The following RNF13 variants were observed in gnomAD, a reference collection of about 807,000 sequenced individuals.
RNF13 encodes the protein ring finger protein 13, also known as E3 ubiquitin-protein ligase RNF13.
Under a neutral mutation model 37.7 loss-of-function variants are expected in RNF13, and 19 were observed. That is an observed-to-expected ratio of 0.50 (90% CI 0.35 to 0.74). The LOEUF is 0.74. RNF13 is among the 30% of genes least tolerant of loss of function. The probability of loss-of-function intolerance (pLI) is 0.01; values close to 1 mark genes in which losing one functional copy is unlikely to be tolerated. For synonymous variants in RNF13, 144 were observed against 157.8 expected, an observed-to-expected ratio of 0.91 and a Z score of 0.65; for missense variants, 375 against 453.0, an observed-to-expected ratio of 0.83 and a Z score of 1.56.
intron 4 of RNF13, among the ~76,000 whole-genome samples, chr3:149,889,444 A>G (rs564904530): frequency 5.4e-5 from 8 of 149,470 alleles, no homozygotes; most frequent in Non-Finnish European, 1.2e-4. Flanking sequence ...AACTAGGACT[A>G]CAGGCGTGTG....
chr3:149,855,535 A>G (rs572082190), intron 3 of RNF13, among the ~76,000 whole-genome samples: 1 of 150,974 alleles, frequency 6.6e-6, no homozygotes, highest in South Asian at 2.1e-4. Context: ...ATATATATGT[A>G]TCTTTACATT....
chr3:149,869,506 T>C (rs1711753257), intron 3 of RNF13, among the ~76,000 whole-genome samples: 1 of 150,934 alleles, frequency 6.6e-6, no homozygotes, highest in Admixed American at 6.6e-5. Context: ...CTTGGGAGGC[T>C]GAGGCAGGAG....
chr3:149,828,461 T>C (rs1720715057), intron 1 of RNF13, among the ~76,000 whole-genome samples: 2 of 152,214 alleles, frequency 1.3e-5, no homozygotes. Context: ...TGATATTTGA[T>C]ATTTTGATAA....
Position 149,962,000 on chromosome 3 carries a change from A to C in RNF13, c.*896A>C, listed in dbSNP as rs1159950034. ...GATGTATTGAAACACTGTATTATGA[A>C]AAGCTAAATTATACATCATTGTAAC... On this transcript the variant is annotated 3_prime_UTR_variant, in exon 10 of 10. Transcript: ENST00000392894. 6.5e-6 allele frequency: 1 copy of C among 152,678 alleles called. No homozygotes were observed. Among genetic ancestry groups the C allele is most frequent in the Non-Finnish European group, 1.5e-5 (1 of 68,040 alleles). The allele number at this position is 152,678 out of a possible 1,614,324, so 9.5% of individuals were successfully genotyped here. A position where few individuals can be genotyped will look rare whatever the true frequency, so the allele number is the denominator to read the frequency against.
At chr3:149,841,020 C>G (rs1300794582) in intron 1 of RNF13, among the ~76,000 whole-genome samples, 1 of 152,198 alleles carries the variant, frequency 6.6e-6, no homozygotes, top group Non-Finnish European at 1.5e-5. Context: ...AAGCATCATG[C>G]TTTCTTTCAA....
intron 8 of RNF13, among the ~76,000 whole-genome samples, chr3:149,946,662 T>C (rs1720796268): frequency 6.6e-6 from 1 of 152,214 alleles, no homozygotes; most frequent in Admixed American, 6.5e-5. Flanking sequence ...GAATGTCTTC[T>C]CTTTTATTTC....
chr3:149,941,723 G>T (rs2108581158), intron 8 of RNF13, among the ~76,000 whole-genome samples: 1 of 151,134 alleles, frequency 6.6e-6, no homozygotes, highest in South Asian at 2.1e-4. Flanking sequence ...TTCTTTTGTT[G>T]CCTGTGCTTA....
At chr3:149,945,646 A>T (rs187472041) in intron 8 of RNF13, among the ~76,000 whole-genome samples, 2 of 152,070 alleles carry the variant, frequency 1.3e-5, no homozygotes, top group South Asian at 4.1e-4. Context: ...CCCCCAAGTA[A>T]CCTAACTGGG....
intron 6 of RNF13, among the ~76,000 whole-genome samples, chr3:149,907,163 C>CT (rs1432234702): frequency 6.6e-6 from 1 of 152,136 alleles, no homozygotes; most frequent in African/African-American, 2.4e-5. Context: ...ACTAAATTCT[C>CT]TTACTGTTGA....
At chr3:149,833,136 T>TA (rs1256328856) in intron 1 of RNF13, among the ~76,000 whole-genome samples, 1 of 149,454 alleles carries the variant, frequency 6.7e-6, no homozygotes, top group African/African-American at 2.5e-5. Context: ...TTTTTTTTTT[T>TA]TGAGATGGAG....
intron 8 of RNF13, among the ~76,000 whole-genome samples, chr3:149,953,479 C>T (rs1177549253): frequency 6.6e-6 from 1 of 152,080 alleles, no homozygotes; most frequent in Non-Finnish European, 1.5e-5. Flanking sequence ...GGTCTTCATC[C>T]CTTCTTTGTG....
intron 8 of RNF13, among the ~76,000 whole-genome samples, chr3:149,953,162 G>A (rs143215746): frequency 9.8e-4 from 149 of 152,022 alleles, no homozygotes; most frequent in African/African-American, 3.4e-3. Flanking sequence ...TGGCCAAAGT[G>A]GATATCAATT....
At chr3:149,829,652 C>T (rs1720846025) in intron 1 of RNF13, among the ~76,000 whole-genome samples, 1 of 152,050 alleles carries the variant, frequency 6.6e-6, no homozygotes, top group Non-Finnish European at 1.5e-5. Flanking sequence ...AAAAGAGAAG[C>T]CCTATTATTG....
intron 7 of RNF13, among the ~76,000 whole-genome samples, chr3:149,914,706 G>A (rs1413078318): frequency 1.3e-5 from 2 of 151,826 alleles, no homozygotes; most frequent in African/African-American, 2.4e-5. Flanking sequence ...AGGCCAAGGC[G>A]GGCGGATCAC....
At chr3:149,856,759 T>C (rs1723693433) in intron 3 of RNF13, among the ~76,000 whole-genome samples, 1 of 152,114 alleles carries the variant, frequency 6.6e-6, no homozygotes, top group South Asian at 2.1e-4. Context: ...TCTTACTTTT[T>C]TTATTGAGAC....
chr3:149,950,082 T>C (rs1226119450), intron 8 of RNF13, among the ~76,000 whole-genome samples: 1 of 152,222 alleles, frequency 6.6e-6, no homozygotes, highest in Non-Finnish European at 1.5e-5. Flanking sequence ...ACTAATGAGC[T>C]AATCAAATGC....
chr3:149,840,248 A>G (rs1044451396), intron 1 of RNF13, among the ~76,000 whole-genome samples: 2 of 152,206 alleles, frequency 1.3e-5, no homozygotes, highest in Non-Finnish European at 2.9e-5. Flanking sequence ...GCCAAATTAG[A>G]TGTGATCAAA....
chr3:149,847,883 GT>G (rs1330446510), intron 2 of RNF13, among the ~76,000 whole-genome samples: 3 of 151,814 alleles, frequency 2.0e-5, no homozygotes, highest in Non-Finnish European at 4.4e-5. Flanking sequence ...TATACCCAAG[GT>G]GGATTGCTAT....
At chr3:149,930,568 A>G (rs1270394526) in intron 8 of RNF13, among the ~76,000 whole-genome samples, 1 of 152,200 alleles carries the variant, frequency 6.6e-6, no homozygotes, top group African/African-American at 2.4e-5. Flanking sequence ...TTTGGATAAT[A>G]ACTGGCTTCA....
Sources: allele counts gnomAD v4.1 joint callset (sites outside exome capture counted in the v4.1 genomes callset), GRCh38; gene constraint gnomAD v4.1.1; transcripts MANE v1.5; gene names NCBI Gene and HGNC (gene_info 2026-07-23, HGNC 2026-07-21).